The following ZFP36L1 variants were observed in gnomAD, a reference collection of about 807,000 sequenced individuals.
The protein encoded by ZFP36L1 is ZFP36 like 1 zinc finger CCCH-type, also known as mRNA decay activator protein ZFP36L1.
In ZFP36L1, 4 loss-of-function variants were observed where a neutral mutation model predicts 16.7. The observed-to-expected ratio is 0.24, with a 90% CI of 0.12 to 0.55. ZFP36L1 has a LOEUF of 0.55. Ranked by LOEUF, ZFP36L1 falls within the 20% of genes least tolerant of loss-of-function variation. The pLI is 0.94. For missense variants in ZFP36L1, 311 were observed against 449.2 expected (o/e 0.69, Z 2.78); for synonymous variants, 220 against 190.8 (o/e 1.15, Z -1.26).
chr14:68,791,662 A>AG (rs1378142856), intron 1 of ZFP36L1, among the ~76,000 whole-genome samples: 2 of 149,374 alleles, frequency 1.3e-5, no homozygotes, highest in South Asian at 2.2e-4. Context: ...GTGAGGGGGG[A>AG]GGGGGGCCAA....
chr14:68,796,181 G>C, upstream of ZFP36L1: 1 of 1,366,666 alleles, frequency 7.3e-7, no homozygotes, highest in Non-Finnish European at 9.8e-7. Context: ...GTGGGGAGGG[G>C]CGGCCCAGGT....
intron 1 of ZFP36L1, among the ~76,000 whole-genome samples, chr14:68,791,999 G>A (rs1895086215): frequency 6.6e-6 from 1 of 152,164 alleles, no homozygotes; most frequent in African/African-American, 2.4e-5. Flanking sequence ...GGAGGGGGAG[G>A]TTGGAAAGAA....
At chr14:68,793,177 G>A, upstream of ZFP36L1, 1 of 1,174,562 alleles carries the variant, frequency 8.5e-7, no homozygotes, top group Non-Finnish European at 1.1e-6. Flanking sequence ...GAAGTTGATT[G>A]ACACTGGAGT....
chr14:68,796,136 C>T (rs1473198674), upstream of ZFP36L1: 3 of 1,366,106 alleles, frequency 2.2e-6, no homozygotes, highest in South Asian at 2.3e-5. Context: ...GCCCGACTTC[C>T]GGGCCCTCCC....
chr14:68,792,962 G>A lies in ZFP36L1; in HGVS notation c.-24C>T, dbSNP rs1895144054. On this transcript the variant is annotated 5_prime_UTR_variant, in exon 1 of 2. Transcript: ENST00000439696. ...ATCCTGTGCGTTCGCGCGAGCCAGG[G>A]GCGAGGATCTGGTGTGTCGCGAAGG... The A allele has an allele frequency of 6.2e-7, 1 of 1,613,380 alleles. No homozygotes were observed. The highest frequency in any genetic ancestry group is 1.7e-5 in the Admixed American group (1 of 59,992).
At position 68,789,672 on chromosome 14, in the gene ZFP36L1, G is replaced by T; in HGVS notation, c.878C>A (p.Pro293His). The T allele has an allele frequency of 1.2e-6, 2 of 1,614,050 alleles. No individual in the cohort carries two copies. Among genetic ancestry groups the T allele is most frequent in the Non-Finnish European group, 1.7e-6 (2 of 1,179,954 alleles). ...SESPHMFDSP[P>H]SPQDSLSDQE... is the part of the protein sequence containing the mutation. Reference sequence around the variant, plus strand: ...GTCCGAGAGAGAATCCTGAGGGCTGGGGGGAGAGTCAAACATGTGAGGGGA... The same window carrying T: ...GTCCGAGAGAGAATCCTGAGGGCTGTGGGGAGAGTCAAACATGTGAGGGGA... Residue 293 changes from proline (P) to histidine (H), a missense_variant, in exon 2 of 2, where the codon CCC becomes CAC. By Grantham distance (77) the Pro-to-His change is moderately conservative. Coordinates refer to ENST00000439696, the MANE Select transcript of ZFP36L1 (RefSeq NM_004926.4). This position sits in a 1 kb window ranked among gnomAD's most constrained non-coding sequence, Gnocchi z 4.5.
intron 1 of ZFP36L1, among the ~76,000 whole-genome samples, 155 bp from the exon 2 acceptor site, chr14:68,790,647 T>C (rs970332736): frequency 3.3e-5 from 5 of 152,058 alleles, no homozygotes; most frequent in East Asian, 1.9e-4. Context: ...CTCCCTCCCA[T>C]AGGCCATTCA....
chr14:68,793,967 T>C (rs183836898), upstream of ZFP36L1: 1 of 979,918 alleles, frequency 1.0e-6, no homozygotes, highest in Non-Finnish European at 1.2e-6. Context: ...CCCGGGACGA[T>C]TGTTTGTTTT....
At chr14:68,791,136 T>G (rs1307335289) in intron 1 of ZFP36L1, 4 of 691,170 alleles carry the variant, frequency 5.8e-6, no homozygotes, top group Admixed American at 2.1e-5. Flanking sequence ...AATAAAACTC[T>G]TTGCCCTAAG....
upstream of ZFP36L1, chr14:68,793,909 G>C (rs1467826640): frequency 1.0e-6 from 1 of 974,368 alleles, no homozygotes. Context: ...TGCAGCCGGC[G>C]CTCTCCGGGT....
chr14:68,793,306 G>C, upstream of ZFP36L1: 1 of 1,027,490 alleles, frequency 9.7e-7, no homozygotes, highest in African/African-American at 1.7e-5. Context: ...CCCACTGTGA[G>C]CCGCGCACAA....
chr14:68,790,332 C>T lies in ZFP36L1; in HGVS notation c.218G>A (p.Gly73Asp), dbSNP rs775201723. The T allele has an allele frequency of 8.1e-6, 13 of 1,611,542 alleles. No individual in the cohort carries two copies. Among genetic ancestry groups the T allele is most frequent in the East Asian group, 2.2e-5 (1 of 44,844 alleles). Residue 73 changes from glycine (G) to aspartate (D), a missense_variant, in exon 2 of 2, where the codon GGT (glycine) becomes GAT (aspartate). By Grantham distance (94) the Gly-to-Asp change is moderately conservative. Around this residue, in one of 4 missense-constraint regions of ZFP36L1, gnomAD observed 137 missense variants for 142.6 expected, o/e 0.96. Transcript: ENST00000439696. ...HQNQLLSSLK[G>D]EPAPALSSRD... is the part of the protein sequence containing the mutation. ...CGAGCTCAGAGCGGGGGCTGGCTCA[C>T]CCTTGAGGCTGCTGAGGAGCTGGTT...
At chr14:68,792,516 T>A (rs946910654) in intron 1 of ZFP36L1, among the ~76,000 whole-genome samples, 1 of 152,260 alleles carries the variant, frequency 6.6e-6, no homozygotes, top group East Asian at 1.9e-4. Flanking sequence ...GGGCGCAGAC[T>A]GGGAACCCGA....
chr14:68,790,461 C>T lies in ZFP36L1; in HGVS notation c.89G>A (p.Ser30Asn), dbSNP rs1240319671. The change falls in exon 2 of 2, where the codon AGT (serine) becomes AAT (asparagine). Residue 30 changes from serine (S) to asparagine (N), a missense_variant. Physicochemically the swap from Ser to Asn is conservative, Grantham distance 46 (BLOSUM62 1). This residue lies in a region of ZFP36L1 where 137 missense variants were observed against 142.6 expected (regional missense o/e 0.96). Transcript: ENST00000439696. ...TCTGTCCAGCAGGCAACCCCCTGCA[C>T]TGGGAGCACTATAGTTGAGCATCTT... Reference protein sequence around the residue: ...GNKMLNYSAPSAGGCLLDRKA... With the variant: ...GNKMLNYSAPNAGGCLLDRKA... The T allele has an allele frequency of 1.2e-6, 2 of 1,614,018 alleles. No individual in the cohort carries two copies. The highest frequency in any genetic ancestry group is 8.5e-7 in the Non-Finnish European group (1 of 1,180,016).
intron 1 of ZFP36L1, chr14:68,790,938 C>T (rs1441376768): frequency 3.2e-6 from 2 of 628,112 alleles, no homozygotes; most frequent in African/African-American, 3.7e-5. Flanking sequence ...CGTTAGGTCC[C>T]CTTCCAATCA....
chr14:68,787,887 G>A lies in ZFP36L1; in HGVS notation c.*1646C>T, dbSNP rs1464085717. ...GGAATCCAGAACCTCAAATCTGTGAGTGGAATGTCTTGAGATGGGCACGTG... is the reference window on the plus strand; with the variant it reads ...GGAATCCAGAACCTCAAATCTGTGAATGGAATGTCTTGAGATGGGCACGTG... On this transcript the variant is annotated 3_prime_UTR_variant, in exon 2 of 2. Transcript: ENST00000439696. The A allele has an allele frequency of 1.3e-5, 2 of 152,020 alleles. No individual in the cohort carries two copies. The highest frequency in any genetic ancestry group is 2.9e-5 in the Non-Finnish European group (2 of 67,986). The allele number at this position is 152,020 out of a possible 1,614,324, so 9.4% of individuals were successfully genotyped here. A position where few individuals can be genotyped will look rare whatever the true frequency, so the allele number is the denominator to read the frequency against.
In ZFP36L1 at chr14:68,788,941, T is replaced by TG. The variant is rs1172197719; in HGVS notation, c.*591dup. The TG allele has an allele frequency of 1.2e-3, 4 of 3,216 alleles. No individual in the cohort carries two copies. In the South Asian group the frequency reaches 0.027, roughly 22 times the overall value. 0.2% of individuals were successfully genotyped at this position (3,216 alleles called of 1,614,324 possible). Reference sequence around the variant, plus strand: ...TTCCAAGGGGCAGGGGTGGGGGGGGTGGGGGGGCGGGTACAGGTGGAGAGG... The same window carrying TG: ...TTCCAAGGGGCAGGGGTGGGGGGGGTGGGGGGGGCGGGTACAGGTGGAGAGG... On this transcript the variant is annotated 3_prime_UTR_variant, in exon 2 of 2. Transcript: ENST00000439696.
upstream of ZFP36L1, chr14:68,794,032 T>C: frequency 1.4e-6 from 1 of 736,546 alleles, no homozygotes; most frequent in Non-Finnish European, 1.7e-6. Flanking sequence ...AACTTTTTAG[T>C]CAAGAAAACC....
chr14:68,788,132 CA>C lies in ZFP36L1; in HGVS notation c.*1400del, dbSNP rs549685093. ...TTTGCATTTTTTTAAATTAATTTTT[CA>C]TTTTTTTAAAATAAAATAACCAAAA... On this transcript the variant is annotated 3_prime_UTR_variant, in exon 2 of 2. Coordinates refer to ENST00000439696, the MANE Select transcript of ZFP36L1 (RefSeq NM_004926.4). 2.6e-5 allele frequency: 4 copies of C among 151,664 alleles called. No individual in the cohort carries two copies. The South Asian group carries it at 6.2e-4, about 24-fold the overall frequency. The allele number at this position is 151,664 out of a possible 1,614,324, so 9.4% of individuals were successfully genotyped here.
Sources: gnomAD v4.1 joint callset for allele counts (sites outside exome capture counted in the v4.1 genomes callset) on GRCh38, gnomAD v4.1.1 for gene constraint, gnomAD v4.1.1 regional missense constraint, Gnocchi (gnomAD v3.1) non-coding constraint, MANE v1.5 for transcripts, NCBI Gene and HGNC (gene_info 2026-07-23, HGNC 2026-07-21) for gene names.